Variants in THADA observed in about 807,000 individuals in gnomAD.
The protein encoded by THADA is THADA armadillo repeat containing.
In THADA, 213 loss-of-function variants were observed where a neutral mutation model predicts 219.8. The observed-to-expected ratio is 0.97, with a 90% confidence interval of 0.87 to 1.09. The LOEUF is 1.09. Among genes scored for constraint, THADA ranks in the 50% least tolerant of loss-of-function variants. The pLI is 0.00. For missense variants in THADA, 2,956 were observed against 2,311.3 expected, an observed-to-expected ratio of 1.28 and a Z score of -5.72; for synonymous variants, 1,018 against 828.9, an observed-to-expected ratio of 1.23 and a Z score of -3.92.
chr2:43,499,121 T>A (rs749191416), intron 24 of THADA, among the ~76,000 whole-genome samples, 166 bp from the exon 25 acceptor site: 6 of 152,196 alleles, frequency 3.9e-5, no homozygotes, highest in Non-Finnish European at 8.8e-5. Context: ...CAGTAGCTGA[T>A]AAACCATTTT....
Position 43,560,342 on chromosome 2 carries a change from A to C in THADA, c.2355T>G (p.Val785=), listed in dbSNP as rs1697906532. 1 of 1,612,128 alleles carries C rather than the reference A, an allele frequency of 6.2e-7. No homozygotes were observed. Among genetic ancestry groups the C allele is most frequent in the Non-Finnish European group, 8.5e-7 (1 of 1,178,924 alleles). Reference sequence around the variant, plus strand: ...ATTCCATTAGTGTTTGGAAACGACCAACATCAATATCATGACTCAGCTGAT... The same window carrying C: ...ATTCCATTAGTGTTTGGAAACGACCCACATCAATATCATGACTCAGCTGAT... ...TVYQLSHDID[V]GRFQTLMECF... The change falls in exon 16 of 38, where the codon GTT becomes GTG. Residue 785 remains valine (V), a synonymous_variant. Transcript: ENST00000405975.
chr2:43,417,042 T>C (rs973929031), intron 28 of THADA, among the ~76,000 whole-genome samples: 1,870 of 148,432 alleles, frequency 0.013, 31 homozygotes, highest in African/African-American at 0.04. Context: ...GTTTTCTTTT[T>C]TTTTTTTTTT....
At chr2:43,375,443 T>G (rs1174180027) in intron 29 of THADA, among the ~76,000 whole-genome samples, 1 of 152,202 alleles carries the variant, frequency 6.6e-6, no homozygotes, top group East Asian at 1.9e-4. Context: ...TTTCTCTCTA[T>G]TCTTCTTAAT....
In THADA at chr2:43,577,143, C is replaced by T. The variant is rs775758130; in HGVS notation, c.916G>A (p.Ala306Thr). ...GTCCCCTGACAGAGGAATAAGACAGCTGACTGAGAGATGTCACCACAACAG... is the reference window on the plus strand; with the variant it reads ...GTCCCCTGACAGAGGAATAAGACAGTTGACTGAGAGATGTCACCACAACAG... ...SLCCGDISQS[A>T]VLFLCQGTLA... Residue 306 changes from alanine to threonine, a missense_variant, in exon 10 of 38, where the codon GCT becomes ACT. Physicochemically the swap from Ala to Thr is moderately conservative, Grantham distance 58. Coordinates refer to ENST00000405975, the MANE Select transcript of THADA (RefSeq NM_022065.5). 1.2e-6 allele frequency: 2 copies of T among 1,611,600 alleles called. No individual in the cohort carries two copies.
intron 36 of THADA, among the ~76,000 whole-genome samples, chr2:43,255,530 C>A (rs1670217374): frequency 6.6e-6 from 1 of 152,182 alleles, no homozygotes; most frequent in African/African-American, 2.4e-5. Context: ...AAGGATTAAA[C>A]AGAACTTCAA....
intron 26 of THADA, among the ~76,000 whole-genome samples, chr2:43,466,070 CCTT>C (rs1311224592): frequency 1.3e-5 from 2 of 152,306 alleles, no homozygotes; most frequent in African/African-American, 2.4e-5. Flanking sequence ...TCTCCATCCT[CCTT>C]GTCTGCCTCA....
intron 36 of THADA, among the ~76,000 whole-genome samples, chr2:43,263,353 C>T (rs1340318776): frequency 6.6e-6 from 1 of 152,078 alleles, no homozygotes; most frequent in Non-Finnish European, 1.5e-5. Flanking sequence ...ATGTACCTGA[C>T]CTGGCCAAGG....
intron 22 of THADA, among the ~76,000 whole-genome samples, chr2:43,515,967 C>T (rs551264144): frequency 6.6e-4 from 100 of 152,214 alleles, no homozygotes; most frequent in Non-Finnish European, 9.6e-4. Flanking sequence ...CTTGCCCATC[C>T]TAATAAAAGA....
chr2:43,314,736 T>C (rs2104447615), intron 31 of THADA, among the ~76,000 whole-genome samples: 1 of 152,326 alleles, frequency 6.6e-6, no homozygotes, highest in Middle Eastern at 3.4e-3. Context: ...CTGGACACTA[T>C]AATTTTCTTT....
chr2:43,253,972 C>T (rs371754978), intron 36 of THADA, among the ~76,000 whole-genome samples: 1 of 152,108 alleles, frequency 6.6e-6, no homozygotes, highest in Non-Finnish European at 1.5e-5. Flanking sequence ...CAGTCTCCCT[C>T]TGGAGACCCA....
intron 29 of THADA, among the ~76,000 whole-genome samples, chr2:43,387,441 C>G (rs1672827643): frequency 6.6e-6 from 1 of 152,142 alleles, no homozygotes; most frequent in African/African-American, 2.4e-5. Flanking sequence ...CTTAGTGACT[C>G]CAGTCTGAGT....
At chr2:43,262,807 T>C (rs1358321546) in intron 36 of THADA, among the ~76,000 whole-genome samples, 1 of 152,238 alleles carries the variant, frequency 6.6e-6, no homozygotes, top group Non-Finnish European at 1.5e-5. Context: ...TGGGGAGTTT[T>C]TACGAAATGT....
At chr2:43,254,713 A>G (rs1163505576) in intron 36 of THADA, among the ~76,000 whole-genome samples, 1 of 152,220 alleles carries the variant, frequency 6.6e-6, no homozygotes, top group Non-Finnish European at 1.5e-5. Context: ...ATTCTTCTCT[A>G]ATTTCCCCCA....
At chr2:43,475,026 G>A (rs1169507707) in intron 26 of THADA, among the ~76,000 whole-genome samples, 1 of 152,206 alleles carries the variant, frequency 6.6e-6, no homozygotes, top group Non-Finnish European at 1.5e-5. Context: ...GAGAAAGAGA[G>A]ATTGTTCAGG....
chr2:43,556,153 C>A, intron 17 of THADA, 192 bp downstream of exon 17: 2 of 1,211,142 alleles, frequency 1.7e-6, no homozygotes, highest in Non-Finnish European at 2.2e-6. Context: ...CAACATAAAT[C>A]CACTGTTTAG....
chr2:43,350,031 T>C (rs146167049), intron 29 of THADA, among the ~76,000 whole-genome samples: 4 of 152,368 alleles, frequency 2.6e-5, no homozygotes, highest in African/African-American at 9.6e-5. Context: ...CTGTATTTTT[T>C]CAGGGACTTA....
intron 15 of THADA, 131 bp from the exon 16 acceptor site, chr2:43,560,516 A>C (rs1238516406): frequency 5.8e-6 from 3 of 515,646 alleles, no homozygotes; most frequent in East Asian, 3.3e-5. Context: ...ATGATAGCTA[A>C]AACAGTAACT....
At chr2:43,483,794 T>TA (rs1686542095) in intron 26 of THADA, among the ~76,000 whole-genome samples, 3 of 151,422 alleles carry the variant, frequency 2.0e-5, no homozygotes, top group South Asian at 4.1e-4. Context: ...AATCACTTCA[T>TA]AAAAAACAAA....
intron 28 of THADA, among the ~76,000 whole-genome samples, chr2:43,412,072 G>T (rs1461522668): frequency 1.3e-5 from 2 of 152,154 alleles, no homozygotes; most frequent in Non-Finnish European, 2.9e-5. Flanking sequence ...TTGATGATCA[G>T]ATGATATTTT....
Sources: gnomAD v4.1 joint callset for allele counts (sites outside exome capture counted in the v4.1 genomes callset) on GRCh38, gnomAD v4.1.1 for gene constraint, MANE v1.5 for transcripts, NCBI Gene and HGNC (gene_info 2026-07-23, HGNC 2026-07-21) for gene names.